The following ENPP1 variants were observed in gnomAD, a reference collection of about 807,000 sequenced individuals.
ENPP1 encodes the protein ectonucleotide pyrophosphatase/phosphodiesterase family member 1.
A neutral mutation model predicts 122.8 loss-of-function variants in ENPP1; 73 were observed. The observed-to-expected ratio is 0.59, with a 90% CI of 0.49 to 0.72. The LOEUF (loss-of-function observed/expected upper bound fraction) is 0.72, where lower values mean the gene tolerates loss of function less well. Among genes scored for constraint, ENPP1 ranks in the 30% least tolerant of loss-of-function variants. The pLI, the probability that ENPP1 is intolerant of heterozygous loss-of-function variation, is 0.00. For missense variants in ENPP1, 978 were observed against 1,128.1 expected (o/e 0.87, Z 1.91); for synonymous variants, 367 against 391.6 (o/e 0.94, Z 0.74).
Position 131,885,030 on chromosome 6 carries a change from A to T in ENPP1, c.2411A>T (p.Asp804Val). The T allele has an allele frequency of 6.2e-7, 1 of 1,614,042 alleles. No individual in the cohort carries two copies. Among genetic ancestry groups the T allele is most frequent in the Non-Finnish European group, 8.5e-7 (1 of 1,179,936 alleles). ...VSGPVFDFDY[D>V]GRCDSLENLR... ...GGTCCTGTGTTTGACTTTGATTATGATGGACGTTGTGATTCCTTAGAGAAT... is the reference window on the plus strand; with the variant it reads ...GGTCCTGTGTTTGACTTTGATTATGTTGGACGTTGTGATTCCTTAGAGAAT... The change falls in exon 23 of 25, where the codon GAT (aspartate) becomes GTT (valine). Residue 804 changes from aspartate to valine, a missense_variant. By Grantham distance (152) the Asp-to-Val change is radical. Around this residue, in one of 3 missense-constraint regions of ENPP1, gnomAD observed 644 missense variants for 781.5 expected, o/e 0.82. Transcript: ENST00000647893.
intron 3 of ENPP1, among the ~76,000 whole-genome samples, chr6:131,850,643 G>A (rs1413500934): frequency 2.0e-5 from 3 of 152,100 alleles, no homozygotes; most frequent in African/African-American, 2.4e-5. Context: ...ACCATGGCTC[G>A]TTGCAACCTT....
chr6:131,870,662 T>C (rs1782150002), intron 13 of ENPP1, among the ~76,000 whole-genome samples: 1 of 152,256 alleles, frequency 6.6e-6, no homozygotes, highest in African/African-American at 2.4e-5. Flanking sequence ...AAAATGGTTA[T>C]GCAGATAGAT....
At chr6:131,842,885 A>G (rs1781759588) in intron 1 of ENPP1, among the ~76,000 whole-genome samples, 2 of 152,070 alleles carry the variant, frequency 1.3e-5, no homozygotes, top group Non-Finnish European at 2.9e-5. Flanking sequence ...TTGGTGAGGG[A>G]AAAAAATTTT....
chr6:131,869,527 A>AT lies in ENPP1; in HGVS notation c.1405+40dup, dbSNP rs756447564. 4.4e-6 allele frequency: 7 copies of AT among 1,601,990 alleles called. No individual in the cohort carries two copies. In the East Asian group the frequency reaches 1.6e-4, roughly 36 times the overall value. ...CTGTGATAACTTTGAATATGGTCAT[A>AT]TTAAGAATACCTTCCTTTAGGCCGG... On this transcript the variant is annotated intron_variant, in intron 13 of 24. Transcript: ENST00000647893.
intron 21 of ENPP1, among the ~76,000 whole-genome samples, chr6:131,883,302 G>GT (rs1186321563): frequency 6.6e-6 from 1 of 152,140 alleles, no homozygotes; most frequent in African/African-American, 2.4e-5. Context: ...ATCCTGTGAT[G>GT]TTTTTTCTGG....
At chr6:131,843,811 C>G (rs184763572) in intron 1 of ENPP1, among the ~76,000 whole-genome samples, 2 of 152,246 alleles carry the variant, frequency 1.3e-5, no homozygotes, top group African/African-American at 4.8e-5. Context: ...GTTGTCGCCA[C>G]TGGTTTGTTG....
intron 6 of ENPP1, among the ~76,000 whole-genome samples, chr6:131,857,634 A>G (rs1045427890): frequency 6.0e-5 from 9 of 149,186 alleles, no homozygotes; most frequent in Admixed American, 2.7e-4. Context: ...GGAATATCAC[A>G]CTCTGGGGAC....
At chr6:131,882,715 T>C (rs1306181522) in intron 21 of ENPP1, among the ~76,000 whole-genome samples, 1 of 149,602 alleles carries the variant, frequency 6.7e-6, no homozygotes, top group African/African-American at 2.4e-5. Flanking sequence ...GTGGATTTGG[T>C]CTAGAACTAC....
chr6:131,892,657 A>C lies in ENPP1; in HGVS notation c.*2146A>C, dbSNP rs745944309. 2 of 152,178 alleles carry C rather than the reference A, an allele frequency of 1.3e-5. No homozygotes were observed. Among genetic ancestry groups the C allele is most frequent in the Non-Finnish European group, 2.9e-5 (2 of 68,038 alleles). The allele number at this position is 152,178 out of a possible 1,614,324, so 9.4% of individuals were successfully genotyped here. A position where few individuals can be genotyped will look rare whatever the true frequency, so the allele number is the denominator to read the frequency against. ...AATTTAACTCAAAGCATCTTAGCAG[A>C]GCTTAATTAAATGGATAGATGCCTG... On this transcript the variant is annotated 3_prime_UTR_variant, in exon 25 of 25. Coordinates refer to ENST00000647893, the MANE Select transcript of ENPP1 (RefSeq NM_006208.3).
At chr6:131,848,393 ATCTTG>A (rs1186877992) in intron 2 of ENPP1, among the ~76,000 whole-genome samples, 2 of 152,150 alleles carry the variant, frequency 1.3e-5, no homozygotes, top group Non-Finnish European at 2.9e-5. Flanking sequence ...AGTGGTTATT[ATCTTG>A]TCTTTGAGGT....
chr6:131,827,709 G>A (rs1781562454), intron 1 of ENPP1: 1 of 665,858 alleles, frequency 1.5e-6, no homozygotes, highest in African/African-American at 1.8e-5. Flanking sequence ...TTTCAAAGAT[G>A]GCTGTGGCCT....
At chr6:131,833,716 C>T (rs1781639936) in intron 1 of ENPP1, among the ~76,000 whole-genome samples, 1 of 152,116 alleles carries the variant, frequency 6.6e-6, no homozygotes, top group Non-Finnish European at 1.5e-5. Context: ...GATCTTTTTT[C>T]TCAATAGATT....
chr6:131,861,945 G>A (rs1345019323), intron 9 of ENPP1, among the ~76,000 whole-genome samples: 1 of 152,004 alleles, frequency 6.6e-6, no homozygotes, highest in Non-Finnish European at 1.5e-5. Context: ...TGAGGCGAGG[G>A]GTCACCTGAG....
intron 1 of ENPP1, chr6:131,827,007 G>A: frequency 2.0e-6 from 1 of 502,844 alleles, no homozygotes; most frequent in South Asian, 1.9e-5. Context: ...TACCAGAGAT[G>A]AATGGTCCAC....
chr6:131,867,989 C>A, intron 11 of ENPP1, 29 bp from the exon 12 acceptor site: 1 of 1,353,274 alleles, frequency 7.4e-7, no homozygotes, highest in Non-Finnish European at 1.1e-6. Flanking sequence ...TGGAAGGTAT[C>A]ACATGAGGTT....
chr6:131,839,752 T>G lies in ENPP1; in HGVS notation c.241-8024T>G, dbSNP rs373157121. 4.6e-5 allele frequency among the ~76,000 whole-genome samples: 7 copies of G among 152,330 alleles called. No individual in the cohort carries two copies. In the South Asian group the frequency reaches 1.4e-3, roughly 32 times the overall value. ...TTTATCATCTGTTCTTTATACCCAA[T>G]AATGTGTCATTTTTCCATGTCAATT... On this transcript the variant is annotated intron_variant, in intron 1 of 24. Transcript: ENST00000647893.
At chr6:131,848,516 T>C (rs1440469851) in intron 2 of ENPP1, among the ~76,000 whole-genome samples, 1 of 152,172 alleles carries the variant, frequency 6.6e-6, no homozygotes, top group South Asian at 2.1e-4. Flanking sequence ...GATTGTAATA[T>C]TAATTATTTA....
At position 131,845,043 on chromosome 6, in the gene ENPP1, GTTT is replaced by G. The variant is rs142380855; in HGVS notation, c.241-2706_241-2704del. The stretch of plus-strand genomic sequence containing the variant: ...ATAAATACAATTTCAATTCTTCATG[GTTT>G]TTTTTTTTTTTTTTTTTTTTTTTTT... On this transcript the variant is annotated intron_variant, in intron 1 of 24. Transcript: ENST00000647893. Among the ~76,000 whole-genome samples the G allele has an allele frequency of 3.8e-3, 324 of 84,920 alleles. 1 individual carries two copies. The highest frequency in any genetic ancestry group is 0.015 in the South Asian group (39 of 2,536). 55.7% of individuals were successfully genotyped at this position (84,920 alleles called of 152,430 possible). A position where few individuals can be genotyped will look rare whatever the true frequency, so the allele number is the denominator to read the frequency against.
intron 1 of ENPP1, chr6:131,828,009 T>C (rs1324005301): frequency 2.8e-5 from 19 of 685,828 alleles, no homozygotes; most frequent in Admixed American, 2.7e-4. Flanking sequence ...AGCCATAAGT[T>C]GCTGCAGGCT....
Sources: gnomAD v4.1 joint callset for allele counts (sites outside exome capture counted in the v4.1 genomes callset) on GRCh38, gnomAD v4.1.1 for gene constraint, gnomAD v4.1.1 regional missense constraint, MANE v1.5 for transcripts, NCBI Gene and HGNC (gene_info 2026-07-23, HGNC 2026-07-21) for gene names.